Variants in ESR1 observed in about 807,000 individuals in gnomAD.
The protein encoded by ESR1 is estrogen receptor.
A neutral mutation model predicts 52.7 loss-of-function variants in ESR1; 12 were observed. The observed-to-expected ratio is 0.23, with a 90% CI of 0.15 to 0.37. ESR1 has a LOEUF of 0.37. Ranked by LOEUF, ESR1 falls within the 10% of genes least tolerant of loss-of-function variation. ESR1 has a pLI of 1.00. For synonymous variants in ESR1, 305 were observed against 316.8 expected (o/e 0.96, Z 0.39); for missense variants, 584 against 779.7 (o/e 0.75, Z 2.99).
chr6:151,669,086 G>A (rs1777927987), intron 1 of ESR1, among the ~76,000 whole-genome samples: 1 of 149,074 alleles, frequency 6.7e-6, no homozygotes, highest in Non-Finnish European at 1.5e-5. Flanking sequence ...TGAGCAAGCT[G>A]TTGGCCAGAG....
intron 6 of ESR1, among the ~76,000 whole-genome samples, chr6:152,087,607 T>C (rs2049843864): frequency 6.6e-6 from 1 of 152,182 alleles, no homozygotes. Context: ...GCTTCCAAGG[T>C]CATCCTAAGA....
rs1352764405 is a variant in ESR1, at chr6:151,824,438, C to T, written c.452+16074C>T. Reference sequence around the variant, plus strand: ...TTTGTAGGTTGCCTGTTCACTCTGACGGTAGTTTCTTTTGCTGTGCAGAAG... The same window carrying T: ...TTTGTAGGTTGCCTGTTCACTCTGATGGTAGTTTCTTTTGCTGTGCAGAAG... On this transcript the variant is annotated intron_variant, in intron 1 of 7. Coordinates refer to ENST00000206249, the MANE Select transcript of ESR1 (RefSeq NM_000125.4). Among the ~76,000 whole-genome samples the T allele has an allele frequency of 7.2e-5, 11 of 152,140 alleles. No individual in the cohort carries two copies. In the East Asian group the frequency reaches 9.7e-4, roughly 13 times the overall value.
At chr6:151,816,386 C>G (rs1337527450) in intron 1 of ESR1, among the ~76,000 whole-genome samples, 1 of 152,194 alleles carries the variant, frequency 6.6e-6, no homozygotes, top group Non-Finnish European at 1.5e-5. Flanking sequence ...AATTGCTTAA[C>G]TGTGTGCCTC....
intron 5 of ESR1, among the ~76,000 whole-genome samples, chr6:152,041,628 G>T (rs1318520227): frequency 6.6e-6 from 1 of 152,204 alleles, no homozygotes; most frequent in African/African-American, 2.4e-5. Context: ...CAGTATGTTT[G>T]CTACTTCTTG....
intron 1 of ESR1, among the ~76,000 whole-genome samples, chr6:151,701,311 A>G (rs998003083): frequency 2.0e-5 from 3 of 151,398 alleles, no homozygotes; most frequent in Admixed American, 6.6e-5. Flanking sequence ...GGATCACCGG[A>G]GGTCAGGAAT....
Position 151,676,947 on chromosome 6 carries a change from G to A in ESR1, n.73+20184G>A, listed in dbSNP as rs147001233. Among the ~76,000 whole-genome samples the A allele has an allele frequency of 1.3e-4, 20 of 152,304 alleles. No homozygotes were observed. The East Asian group carries it at 3.7e-3, about 28-fold the overall frequency. On this transcript the variant is annotated intron_variant and non_coding_transcript_variant, in intron 1 of 2. Coordinates refer to the ESR1 transcript ENST00000473497. ...AACGCAGTTTGGAGATGGAGACAGAGTATGGAGAAAGAAAGACAAAGGGAG... is the reference window on the plus strand; with the variant it reads ...AACGCAGTTTGGAGATGGAGACAGAATATGGAGAAAGAAAGACAAAGGGAG...
chr6:152,121,063 G>A (rs188565763), intron 6 of ESR1, among the ~76,000 whole-genome samples: 126 of 152,272 alleles, frequency 8.3e-4, no homozygotes, highest in African/African-American at 2.7e-3. Flanking sequence ...ATGTGCTCCG[G>A]ACTAGGGCAC....
intron 4 of ESR1, among the ~76,000 whole-genome samples, chr6:151,962,826 T>A (rs940550652): frequency 1.3e-5 from 2 of 152,246 alleles, no homozygotes; most frequent in Admixed American, 6.5e-5. Context: ...TCTTCCACTT[T>A]GTCTTCCAAT....
intron 4 of ESR1, among the ~76,000 whole-genome samples, chr6:151,985,507 CAAAAA>C (rs560626079): frequency 1.9e-5 from 1 of 51,340 alleles, no homozygotes; most frequent in African/African-American, 1.2e-4. Context: ...GACTCTGTCT[CAAAAA>C]AAAAAAAAAA....
chr6:151,808,596 A>G (rs901383340), intron 1 of ESR1, among the ~76,000 whole-genome samples: 21 of 152,086 alleles, frequency 1.4e-4, no homozygotes, highest in African/African-American at 4.3e-4. Flanking sequence ...CGTACTCTCC[A>G]CCCACTTACC....
At chr6:151,798,058 A>T (rs1328996466) in intron 2 of ESR1, among the ~76,000 whole-genome samples, 1 of 152,076 alleles carries the variant, frequency 6.6e-6, no homozygotes, top group Non-Finnish European at 1.5e-5. Flanking sequence ...TACATCTTGA[A>T]CTCTGGGTAC....
intron 6 of ESR1, among the ~76,000 whole-genome samples, chr6:152,120,289 G>A (rs1166542488): frequency 1.3e-5 from 2 of 152,214 alleles, no homozygotes; most frequent in Non-Finnish European, 2.9e-5. Flanking sequence ...TGACAGGAAA[G>A]TGAGGGAAGA....
At chr6:151,737,554 G>A (rs1782770678) in intron 2 of ESR1, among the ~76,000 whole-genome samples, 1 of 152,106 alleles carries the variant, frequency 6.6e-6, no homozygotes, top group Admixed American at 6.5e-5. Context: ...TATTCCTTGA[G>A]TAAATGTATG....
intron 2 of ESR1, among the ~76,000 whole-genome samples, chr6:151,704,844 G>A (rs1225124204): frequency 6.6e-6 from 1 of 152,050 alleles, no homozygotes; most frequent in African/African-American, 2.4e-5. Flanking sequence ...AGCTGGCAAT[G>A]ATATGACAGG....
At chr6:152,035,533 G>T (rs373749976) in intron 5 of ESR1, among the ~76,000 whole-genome samples, 13 of 152,024 alleles carry the variant, frequency 8.6e-5, no homozygotes, top group African/African-American at 3.1e-4. Context: ...AATTCAGTGC[G>T]TGTCCAATCA....
intron 5 of ESR1, among the ~76,000 whole-genome samples, chr6:152,034,290 AAAATAAAT>A (rs10588683): frequency 1.3e-5 from 2 of 150,164 alleles, no homozygotes; most frequent in Admixed American, 6.6e-5. Flanking sequence ...AAGTACAATA[AAAATAAAT>A]AAATAAATAA....
chr6:152,086,207 C>CT, intron 6 of ESR1, among the ~76,000 whole-genome samples: 1 of 152,024 alleles, frequency 6.6e-6, no homozygotes, highest in Non-Finnish European at 1.5e-5. Flanking sequence ...AAGATAGTAA[C>CT]TGACTGTGGA....
chr6:151,977,441 C>CAAAAAAAAAA (rs200819406), intron 4 of ESR1, among the ~76,000 whole-genome samples: 8 of 130,490 alleles, frequency 6.1e-5, no homozygotes, highest in African/African-American at 2.3e-4. Flanking sequence ...CTGTGTAGTG[C>CAAAAAAAAAA]AAAAAAAAAA....
chr6:151,875,650 A>G (rs1249619262), intron 2 of ESR1, among the ~76,000 whole-genome samples: 1 of 152,156 alleles, frequency 6.6e-6, no homozygotes, highest in African/African-American at 2.4e-5. Flanking sequence ...TCACAGAGGA[A>G]CTGACATCTT....
Sources: gnomAD v4.1 joint callset for allele counts (sites outside exome capture counted in the v4.1 genomes callset) on GRCh38, gnomAD v4.1.1 for gene constraint, MANE v1.5 for transcripts, NCBI Gene and HGNC (gene_info 2026-07-23, HGNC 2026-07-21) for gene names.